TYW1B: variants seen among roughly 807,000 people sequenced by gnomAD.
TYW1B encodes the protein S-adenosyl-L-methionine-dependent tRNA 4-demethylwyosine synthase TYW1B.
In TYW1B, 73 loss-of-function variants were observed where a neutral mutation model predicts 86.9. The ratio of observed to expected loss-of-function variants is 0.84; its 90% CI spans 0.70 to 1.02. The LOEUF is 1.02. Ranked by LOEUF, TYW1B falls within the 50% of genes least tolerant of loss-of-function variation. The pLI, the probability that TYW1B is intolerant of heterozygous loss-of-function variation, is 0.00. For synonymous variants in TYW1B, 248 were observed against 292.8 expected, an observed-to-expected ratio of 0.85 and a Z score of 1.56; for missense variants, 637 against 827.4, an observed-to-expected ratio of 0.77 and a Z score of 2.82.
chr7:72,793,754 CAAA>C (rs11327564), intron 6 of TYW1B, among the ~76,000 whole-genome samples: 4 of 70,918 alleles, frequency 5.6e-5, no homozygotes, highest in East Asian at 3.0e-4. Flanking sequence ...GACTCCGTCT[CAAA>C]AAAAAAAAAA....
chr7:72,827,647 C>G (rs1380014484), intron 1 of TYW1B, among the ~76,000 whole-genome samples: 3 of 151,992 alleles, frequency 2.0e-5, no homozygotes, highest in Non-Finnish European at 4.4e-5. Context: ...TAAAAGTATT[C>G]TTTTTACTAA....
intron 11 of TYW1B, among the ~76,000 whole-genome samples, chr7:72,641,874 A>T (rs1200038520): frequency 6.6e-6 from 1 of 152,212 alleles, no homozygotes; most frequent in Non-Finnish European, 1.5e-5. Flanking sequence ...TGCAGGCTTT[A>T]AAAGCTGATC....
chr7:72,779,806 C>G (rs1554471332), intron 6 of TYW1B, among the ~76,000 whole-genome samples: 1 of 145,516 alleles, frequency 6.9e-6, no homozygotes, highest in East Asian at 2.0e-4. Flanking sequence ...GGGACTTGCT[C>G]TGAAATAGGA....
intron 10 of TYW1B, among the ~76,000 whole-genome samples, chr7:72,711,083 G>GA (rs1216373138): frequency 6.6e-6 from 1 of 152,136 alleles, no homozygotes; most frequent in East Asian, 1.9e-4. Context: ...GGGGCACAGA[G>GA]GGAGGTGAGG....
At chr7:72,814,516 G>A (rs1330398345) in intron 3 of TYW1B, among the ~76,000 whole-genome samples, 4 of 151,976 alleles carry the variant, frequency 2.6e-5, no homozygotes, top group Admixed American at 6.6e-5. Flanking sequence ...CCCGGGAGGC[G>A]GAGCTTGCAG....
At chr7:72,746,034 T>A (rs1250102520) in intron 7 of TYW1B, among the ~76,000 whole-genome samples, 1 of 151,942 alleles carries the variant, frequency 6.6e-6, no homozygotes, top group Non-Finnish European at 1.5e-5. Flanking sequence ...CGGCTAGTAT[T>A]TGTATTTTTT....
intron 2 of TYW1B, among the ~76,000 whole-genome samples, chr7:72,822,230 A>G (rs1285530236): frequency 6.6e-6 from 1 of 151,460 alleles, no homozygotes; most frequent in Non-Finnish European, 1.5e-5. Flanking sequence ...TTACAAAAAT[A>G]TAAGAGAAAA....
At chr7:72,801,225 AG>A (rs1316552009) in intron 6 of TYW1B, among the ~76,000 whole-genome samples, 6 of 152,178 alleles carry the variant, frequency 3.9e-5, no homozygotes, top group African/African-American at 1.4e-4. Context: ...GCTACTCGGG[AG>A]GCTGAGGCAG....
chr7:72,738,115 C>T (rs1451094174), intron 8 of TYW1B, among the ~76,000 whole-genome samples: 2 of 122,790 alleles, frequency 1.6e-5, no homozygotes, highest in Non-Finnish European at 3.4e-5. Context: ...GAGTCTCGCA[C>T]AGTCACCCAG....
chr7:72,783,383 CAAA>C (rs35804694), intron 6 of TYW1B, among the ~76,000 whole-genome samples: 3 of 113,484 alleles, frequency 2.6e-5, no homozygotes. Flanking sequence ...GACTTCATCT[CAAA>C]AAAAAAAAAA....
At chr7:72,706,395 C>A (rs1449598353) in intron 10 of TYW1B, among the ~76,000 whole-genome samples, 1 of 144,488 alleles carries the variant, frequency 6.9e-6, no homozygotes, top group African/African-American at 2.6e-5. Context: ...CCAGTGTACT[C>A]CAGCCTGGGC....
intron 7 of TYW1B, among the ~76,000 whole-genome samples, chr7:72,766,173 A>G (rs1787765490): frequency 6.6e-6 from 1 of 152,254 alleles, no homozygotes; most frequent in Admixed American, 6.5e-5. Context: ...AAAACAAAAC[A>G]GCTCATAACG....
intron 11 of TYW1B, among the ~76,000 whole-genome samples, chr7:72,659,447 C>T (rs1554444153): frequency 1.3e-5 from 2 of 152,012 alleles, no homozygotes; most frequent in Non-Finnish European, 2.9e-5. Flanking sequence ...GCGTGGTGGC[C>T]CACACCTGTA....
chr7:72,805,101 G>A (rs181472645), intron 5 of TYW1B, among the ~76,000 whole-genome samples: 4 of 151,882 alleles, frequency 2.6e-5, no homozygotes, highest in African/African-American at 4.8e-5. Flanking sequence ...AAATTAATTC[G>A]ACACATTCCT....
chr7:72,670,733 A>G (rs1454391695), intron 11 of TYW1B, among the ~76,000 whole-genome samples: 1 of 152,214 alleles, frequency 6.6e-6, no homozygotes, highest in Non-Finnish European at 1.5e-5. Flanking sequence ...GAACACTTCC[A>G]AAAGGCGGGG....
chr7:72,683,334 C>A (rs1355656719), intron 11 of TYW1B, among the ~76,000 whole-genome samples: 1 of 152,140 alleles, frequency 6.6e-6, no homozygotes, highest in African/African-American at 2.4e-5. Context: ...CTTTGGGAGG[C>A]CAAGGCAAGT....
intron 9 of TYW1B, among the ~76,000 whole-genome samples, chr7:72,717,422 C>A (rs1554456381): frequency 6.6e-6 from 1 of 152,098 alleles, no homozygotes. Flanking sequence ...ATCCCCTGTA[C>A]AACCTGCATT....
rs781987940 is a variant in TYW1B at position 72,744,563 on chromosome 7, T to G, written c.1003A>C (p.Ile335Leu). ...CAGCGATGGCTCTCATTCCATAGAATGTGTGTTTGTAACAAGCTCCTCTCC... is the reference window on the plus strand; with the variant it reads ...CAGCGATGGCTCTCATTCCATAGAAGGTGTGTTTGTAACAAGCTCCTCTCC... ...PRERSLLQTH[I>L]LWNESHRCME... Residue 335 changes from isoleucine (I) to leucine (L), a missense_variant, in exon 8 of 14, where the codon ATT becomes CTT. By Grantham distance (5) the Ile-to-Leu change is conservative. Coordinates refer to ENST00000620995, the MANE Select transcript of TYW1B (RefSeq NM_001145440.3). 1 of 1,613,532 alleles carries G rather than the reference T, an allele frequency of 6.2e-7. No individual in the cohort carries two copies. Among genetic ancestry groups the G allele is most frequent in the Admixed American group, 1.7e-5 (1 of 59,976 alleles).
At chr7:72,693,608 T>C (rs1814227921) in intron 11 of TYW1B, among the ~76,000 whole-genome samples, 1 of 151,926 alleles carries the variant, frequency 6.6e-6, no homozygotes, top group South Asian at 2.1e-4. Flanking sequence ...TTGCCCAGGC[T>C]GGTCTTGAAC....
Sources: gnomAD v4.1 joint callset for allele counts (sites outside exome capture counted in the v4.1 genomes callset) on GRCh38, gnomAD v4.1.1 for gene constraint, MANE v1.5 for transcripts, NCBI Gene and HGNC (gene_info 2026-07-23, HGNC 2026-07-21) for gene names.